MECOM: variants seen among roughly 807,000 people sequenced by gnomAD.
MECOM encodes histone-lysine N-methyltransferase MECOM.
Under a neutral mutation model 116.3 loss-of-function variants are expected in MECOM, and 13 were observed. That is an observed-to-expected ratio of 0.11 (90% CI 0.07 to 0.18). The LOEUF (loss-of-function observed/expected upper bound fraction) is 0.18. MECOM is among the 10% of genes least tolerant of loss of function. The pLI is 1.00. For synonymous variants in MECOM, 528 were observed against 535.2 expected, an observed-to-expected ratio of 0.99 and a Z score of 0.19; for missense variants, 1,299 against 1,509.0, an observed-to-expected ratio of 0.86 and a Z score of 2.31.
chr3:169,150,649 G>A (rs1158789475), intron 2 of MECOM, among the ~76,000 whole-genome samples: 5 of 152,138 alleles, frequency 3.3e-5, no homozygotes. Context: ...AGAAAAAAAT[G>A]GAATGATTCA....
At chr3:169,096,284 T>G (rs1721448020) in intron 12 of MECOM, among the ~76,000 whole-genome samples, 1 of 151,220 alleles carries the variant, frequency 6.6e-6, no homozygotes, top group South Asian at 2.1e-4. Context: ...TTTTTTTTTG[T>G]TTTTTAGATG....
At chr3:169,527,619 C>T (rs1270483859) in intron 1 of MECOM, among the ~76,000 whole-genome samples, 2 of 152,102 alleles carry the variant, frequency 1.3e-5, no homozygotes, top group Non-Finnish European at 2.9e-5. Context: ...GCAGCCTGCT[C>T]CCAAATCTTC....
chr3:169,496,788 T>C (rs1413026904), intron 1 of MECOM, among the ~76,000 whole-genome samples: 1 of 152,220 alleles, frequency 6.6e-6, no homozygotes, highest in Non-Finnish European at 1.5e-5. Flanking sequence ...CCAAATCATG[T>C]GAAAATCAAA....
chr3:169,485,973 CATATATATATAGT>C (rs1189760025), intron 1 of MECOM, among the ~76,000 whole-genome samples: 2 of 53,876 alleles, frequency 3.7e-5, no homozygotes, highest in African/African-American at 1.4e-4. Flanking sequence ...ACTATATATA[CATATATATATAGT>C]ATATATATGT....
chr3:169,487,426 C>G (rs1228169723), intron 1 of MECOM, among the ~76,000 whole-genome samples: 1 of 151,824 alleles, frequency 6.6e-6, no homozygotes, highest in African/African-American at 2.4e-5. Flanking sequence ...TACAGTGTTT[C>G]CATATTTCAG....
At chr3:169,088,881 T>G in intron 16 of MECOM, 119 bp downstream of exon 16, 1 of 895,726 alleles carries the variant, frequency 1.1e-6, no homozygotes, top group Non-Finnish European at 1.6e-6. Context: ...GAAAGGCATC[T>G]GACCCCATTT....
At chr3:169,650,930 G>A (rs1028086651) in intron 1 of MECOM, among the ~76,000 whole-genome samples, 14 of 151,934 alleles carry the variant, frequency 9.2e-5, no homozygotes, top group African/African-American at 3.4e-4. Context: ...AAAAAGAATG[G>A]TTTAGATTGA....
intron 2 of MECOM, among the ~76,000 whole-genome samples, chr3:169,295,492 G>A (rs1715415666): frequency 6.6e-6 from 1 of 152,146 alleles, no homozygotes. Flanking sequence ...ATACAATATA[G>A]TATTTCAAAG....
chr3:169,325,700 A>G (rs1005437257), intron 2 of MECOM, among the ~76,000 whole-genome samples: 1 of 152,238 alleles, frequency 6.6e-6, no homozygotes, highest in Non-Finnish European at 1.5e-5. Context: ...GAAGTTGGCC[A>G]ACAAAGTCTG....
intron 4 of MECOM, among the ~76,000 whole-genome samples, chr3:169,128,540 A>G (rs1445348950): frequency 1.3e-5 from 2 of 152,264 alleles, no homozygotes; most frequent in South Asian, 4.1e-4. Flanking sequence ...TTTCTATTCC[A>G]TACACTTCTT....
At chr3:169,456,970 C>T (rs1172444738) in intron 1 of MECOM, among the ~76,000 whole-genome samples, 1 of 152,146 alleles carries the variant, frequency 6.6e-6, no homozygotes, top group African/African-American at 2.4e-5. Context: ...TGAGGCAGGT[C>T]AGTGGCAGGA....
rs1751471276 is a variant in MECOM, at chr3:169,482,481, C to T, written c.38-100957G>A. Among the ~76,000 whole-genome samples the T allele has an allele frequency of 3.9e-5, 6 of 152,076 alleles. No homozygotes were observed. The South Asian group carries it at 1.2e-3, about 32-fold the overall frequency. ...CGAGTAGCTGGGACCTGTACAGGCG[C>T]CCGCCACCACGCCCGGCTAATTTTT... On this transcript the variant is annotated intron_variant, in intron 1 of 16. Coordinates refer to ENST00000651503, the MANE Select transcript of MECOM (RefSeq NM_004991.4).
chr3:169,516,591 G>A (rs953359289), intron 1 of MECOM, among the ~76,000 whole-genome samples: 2 of 152,030 alleles, frequency 1.3e-5, no homozygotes, highest in African/African-American at 4.8e-5. Flanking sequence ...CGGAGACTCA[G>A]GGCTGTCAAA....
chr3:169,521,464 T>G (rs893438897), intron 1 of MECOM, among the ~76,000 whole-genome samples: 12 of 152,188 alleles, frequency 7.9e-5, no homozygotes, highest in Non-Finnish European at 7.4e-5. Context: ...GCCCACAGCA[T>G]GTACTTTTTC....
intron 6 of MECOM, 90 bp from the exon 7 acceptor site, chr3:169,121,299 T>C: frequency 7.4e-7 from 1 of 1,359,548 alleles, no homozygotes; most frequent in South Asian, 1.6e-5. Flanking sequence ...AAATTTTTCT[T>C]ATTTGTTTTG....
At chr3:169,400,477 T>G (rs1179031642) in intron 1 of MECOM, among the ~76,000 whole-genome samples, 1 of 152,222 alleles carries the variant, frequency 6.6e-6, no homozygotes, top group Non-Finnish European at 1.5e-5. Context: ...TTTGTTTGAT[T>G]GAGCCGTCAT....
intron 12 of MECOM, among the ~76,000 whole-genome samples, chr3:169,098,137 T>A (rs1469859343): frequency 6.6e-6 from 1 of 152,182 alleles, no homozygotes; most frequent in Non-Finnish European, 1.5e-5. Context: ...TGTTAACATC[T>A]TACCTAACAT....
chr3:169,177,857 G>C (rs1388877950), intron 2 of MECOM, among the ~76,000 whole-genome samples: 1 of 151,832 alleles, frequency 6.6e-6, no homozygotes, highest in African/African-American at 2.4e-5. Flanking sequence ...GGCAGAGGTT[G>C]CGGTGAGATG....
intron 1 of MECOM, among the ~76,000 whole-genome samples, chr3:169,441,430 T>C (rs1023520613): frequency 6.6e-6 from 1 of 152,202 alleles, no homozygotes; most frequent in African/African-American, 2.4e-5. Flanking sequence ...GCACATTCAC[T>C]GACATATACT....
Sources: allele counts gnomAD v4.1 joint callset (sites outside exome capture counted in the v4.1 genomes callset), GRCh38; gene constraint gnomAD v4.1.1; transcripts MANE v1.5; gene names NCBI Gene and HGNC (gene_info 2026-07-23, HGNC 2026-07-21).